Variants in SIK3 observed in about 807,000 individuals in gnomAD.
SIK3 encodes serine/threonine-protein kinase SIK3.
SIK3 carries 28 observed loss-of-function variants against 144.2 expected under a neutral mutation model. That is an observed-to-expected ratio of 0.19 (90% CI 0.14 to 0.27). SIK3 has a LOEUF of 0.27. Ranked by LOEUF, SIK3 falls within the 10% of genes least tolerant of loss-of-function variation. The pLI is 1.00. For synonymous variants in SIK3, 686 were observed against 676.3 expected (o/e 1.01, Z -0.22); for missense variants, 1,319 against 1,776.0 (o/e 0.74, Z 4.62).
At position 116,956,928 on chromosome 11, in the gene SIK3, C is replaced by T; in HGVS notation, c.390+20G>A. Reference sequence around the variant, plus strand: ...ATTCTGGGTTCTTTGCAGCTATCTGCTATACACTAATGATCCTACCTGGTA... The same window carrying T: ...ATTCTGGGTTCTTTGCAGCTATCTGTTATACACTAATGATCCTACCTGGTA... On this transcript the variant is annotated intron_variant, in intron 2 of 24. Transcript: ENST00000445177. 2.7e-6 allele frequency: 4 copies of T among 1,489,396 alleles called. No individual in the cohort carries two copies. Among genetic ancestry groups the T allele is most frequent in the Non-Finnish European group, 3.7e-6 (4 of 1,089,678 alleles). 92.3% of individuals were successfully genotyped at this position (1,489,396 alleles called of 1,614,324 possible). A position where few individuals can be genotyped will look rare whatever the true frequency, so the allele number is the denominator to read the frequency against.
At chr11:116,950,113 T>G (rs1178970575) in intron 3 of SIK3, 3 of 470,522 alleles carry the variant, frequency 6.4e-6, no homozygotes, top group African/African-American at 2.0e-5. Flanking sequence ...GTGATCTGGG[T>G]CCTAGTATTC....
chr11:117,048,203 G>C (rs1265763711), intron 1 of SIK3, among the ~76,000 whole-genome samples: 1 of 152,136 alleles, frequency 6.6e-6, no homozygotes, highest in African/African-American at 2.4e-5. Flanking sequence ...AAGCATACAG[G>C]TTAACTTGAG....
chr11:117,022,676 T>C (rs1006435888), intron 1 of SIK3, among the ~76,000 whole-genome samples: 5 of 152,082 alleles, frequency 3.3e-5, no homozygotes, highest in African/African-American at 7.2e-5. Flanking sequence ...AAACGCAACA[T>C]AGAAAGTCAC....
intron 1 of SIK3, among the ~76,000 whole-genome samples, chr11:116,996,222 C>T (rs1168499849): frequency 6.6e-6 from 1 of 152,026 alleles, no homozygotes; most frequent in South Asian, 2.1e-4. Flanking sequence ...GCATGAGAAT[C>T]GCTTGAACCT....
At chr11:116,965,372 A>ATT (rs376035853) in intron 1 of SIK3, among the ~76,000 whole-genome samples, 9 of 148,516 alleles carry the variant, frequency 6.1e-5, no homozygotes, top group South Asian at 2.1e-4. Flanking sequence ...GTATTCAACA[A>ATT]TTTTTTTTTT....
chr11:117,039,604 G>GAA (rs1475614837), intron 1 of SIK3, among the ~76,000 whole-genome samples: 2 of 152,232 alleles, frequency 1.3e-5, no homozygotes, highest in African/African-American at 4.8e-5. Context: ...GACTAAAATC[G>GAA]AAAGGTCCAC....
chr11:116,972,565 C>A (rs536641542), intron 1 of SIK3, among the ~76,000 whole-genome samples: 1 of 152,226 alleles, frequency 6.6e-6, no homozygotes, highest in Admixed American at 6.5e-5. Flanking sequence ...TTTACTACAA[C>A]CAGCTCTATT....
chr11:117,097,580 T>C (rs774410697), intron 1 of SIK3, among the ~76,000 whole-genome samples: 37 of 152,052 alleles, frequency 2.4e-4, no homozygotes, highest in Non-Finnish European at 4.4e-4. Flanking sequence ...CAGTCTTAGA[T>C]GATCAAATGC....
chr11:116,857,413 G>C, intron 21 of SIK3: 1 of 203,984 alleles, frequency 4.9e-6, no homozygotes. Flanking sequence ...TATGATAGCT[G>C]CAAGAGCAGA....
At chr11:117,076,320 A>G (rs1019357118) in intron 1 of SIK3, among the ~76,000 whole-genome samples, 5 of 152,278 alleles carry the variant, frequency 3.3e-5, no homozygotes, top group African/African-American at 1.2e-4. Flanking sequence ...GATTCACCAC[A>G]GGACCCCAGC....
chr11:116,852,881 G>A (rs1247382255), intron 21 of SIK3, among the ~76,000 whole-genome samples: 2 of 152,202 alleles, frequency 1.3e-5, no homozygotes, highest in Non-Finnish European at 2.9e-5. Flanking sequence ...AGGAGTCAGG[G>A]GATACCCCAG....
chr11:116,974,969 C>A (rs1253571365), intron 1 of SIK3, among the ~76,000 whole-genome samples: 2 of 152,140 alleles, frequency 1.3e-5, no homozygotes, highest in African/African-American at 4.8e-5. Context: ...CATCTCTCCT[C>A]TTCCCTAGAC....
At chr11:117,094,830 A>G (rs1387358651) in intron 1 of SIK3, among the ~76,000 whole-genome samples, 1 of 152,010 alleles carries the variant, frequency 6.6e-6, no homozygotes. Flanking sequence ...TCCAAAGAAA[A>G]GGAAATCAAA....
chr11:117,086,792 G>A (rs1955031184), intron 1 of SIK3, among the ~76,000 whole-genome samples: 1 of 151,368 alleles, frequency 6.6e-6, no homozygotes, highest in African/African-American at 2.4e-5. Flanking sequence ...GTCAGGAGTT[G>A]GAGAGCAGCC....
At chr11:116,869,878 G>A in intron 14 of SIK3, 1 of 316,286 alleles carries the variant, frequency 3.2e-6, no homozygotes, top group Non-Finnish European at 6.2e-6. Context: ...GAAGCACACA[G>A]CAAACAGTAC....
intron 11 of SIK3, among the ~76,000 whole-genome samples, chr11:116,874,884 A>AT (rs1944164252): frequency 1.3e-5 from 2 of 152,116 alleles, no homozygotes; most frequent in African/African-American, 4.8e-5. Context: ...CCTTCAGTCC[A>AT]TTTTTTCCAG....
intron 1 of SIK3, among the ~76,000 whole-genome samples, chr11:116,982,969 A>T (rs926455208): frequency 5.6e-5 from 8 of 142,386 alleles, no homozygotes; most frequent in Admixed American, 2.1e-4. Flanking sequence ...AAAAAAAAAA[A>T]TTTCTGACCC....
intron 1 of SIK3, among the ~76,000 whole-genome samples, chr11:117,059,085 C>G (rs1953683918): frequency 6.6e-6 from 1 of 152,110 alleles, no homozygotes. Flanking sequence ...AATGGAAGAA[C>G]TGAAAAGACA....
chr11:116,950,673 G>A (rs570791575), intron 3 of SIK3, among the ~76,000 whole-genome samples: 5 of 152,152 alleles, frequency 3.3e-5, no homozygotes, highest in Admixed American at 2.0e-4. Flanking sequence ...CAACTTACTG[G>A]AACACTTATT....
Sources: gnomAD v4.1 joint callset for allele counts (sites outside exome capture counted in the v4.1 genomes callset) on GRCh38, gnomAD v4.1.1 for gene constraint, MANE v1.5 for transcripts, NCBI Gene and HGNC (gene_info 2026-07-23, HGNC 2026-07-21) for gene names.